Variants in HS3ST4 observed in about 807,000 individuals in gnomAD.
The protein encoded by HS3ST4 is heparan sulfate-glucosamine 3-sulfotransferase 4.
Under a neutral mutation model 29.2 loss-of-function variants are expected in HS3ST4, and 17 were observed. That is an observed-to-expected ratio of 0.58 (90% CI 0.40 to 0.87). The LOEUF (loss-of-function observed/expected upper bound fraction) is 0.87. Among genes scored for constraint, HS3ST4 ranks in the 40% least tolerant of loss-of-function variants. The pLI is 0.00. For missense variants in HS3ST4, 627 were observed against 634.5 expected (o/e 0.99, Z 0.13); for synonymous variants, 314 against 285.7 (o/e 1.10, Z -1.00).
intron 1 of HS3ST4, among the ~76,000 whole-genome samples, chr16:25,928,057 A>G (rs981748733): frequency 1.3e-5 from 2 of 151,168 alleles, no homozygotes; most frequent in Non-Finnish European, 2.9e-5. Flanking sequence ...AAAAAAAAAA[A>G]AGGTAGCCAG....
chr16:25,876,602 A>G (rs950026075), intron 1 of HS3ST4, among the ~76,000 whole-genome samples: 1 of 152,122 alleles, frequency 6.6e-6, no homozygotes, highest in Non-Finnish European at 1.5e-5. Flanking sequence ...TAGTCAAGAA[A>G]ATGGAATATG....
intron 1 of HS3ST4, among the ~76,000 whole-genome samples, chr16:25,760,569 C>T (rs1966783184): frequency 6.6e-6 from 1 of 152,046 alleles, no homozygotes; most frequent in South Asian, 2.1e-4. Context: ...CAGGCACCTG[C>T]CACCACACCT....
At chr16:26,057,401 G>A (rs1898423020) in intron 1 of HS3ST4, among the ~76,000 whole-genome samples, 1 of 152,196 alleles carries the variant, frequency 6.6e-6, no homozygotes, top group South Asian at 2.1e-4. Context: ...AAACTCAGGT[G>A]TGGCCATATG....
chr16:25,974,594 TGA>T (rs144255648), intron 1 of HS3ST4, among the ~76,000 whole-genome samples: 13,297 of 152,166 alleles, frequency 0.087, 768 homozygotes, highest in Non-Finnish European at 0.12. Flanking sequence ...AGAGGGTGCT[TGA>T]GTGCCTTTGA....
intron 1 of HS3ST4, among the ~76,000 whole-genome samples, chr16:25,783,570 A>G (rs898131675): frequency 6.6e-6 from 1 of 151,524 alleles, no homozygotes; most frequent in African/African-American, 2.4e-5. Flanking sequence ...GAAATCTGTT[A>G]TATTGAAGGA....
At chr16:26,131,810 C>G (rs1478609745) in intron 1 of HS3ST4, among the ~76,000 whole-genome samples, 1 of 152,158 alleles carries the variant, frequency 6.6e-6, no homozygotes, top group Non-Finnish European at 1.5e-5. Flanking sequence ...AGCATTAGGA[C>G]TGGCCTACAC....
intron 1 of HS3ST4, among the ~76,000 whole-genome samples, chr16:25,938,915 C>T (rs183608320): frequency 1.2e-4 from 18 of 152,330 alleles, no homozygotes; most frequent in African/African-American, 4.1e-4. Flanking sequence ...CTTATACCCC[C>T]TTTCTCCTGC....
At chr16:26,113,510 A>G (rs1214656821) in intron 1 of HS3ST4, among the ~76,000 whole-genome samples, 24 of 84,918 alleles carry the variant, frequency 2.8e-4, no homozygotes, top group African/African-American at 7.0e-4. Context: ...GTGTGTGTGT[A>G]TGCAAGAGGA....
chr16:25,870,266 T>C (rs2141658934), intron 1 of HS3ST4, among the ~76,000 whole-genome samples: 1 of 152,280 alleles, frequency 6.6e-6, no homozygotes, highest in South Asian at 2.1e-4. Flanking sequence ...TTCTAGGTGC[T>C]GTGGATACAA....
chr16:25,879,719 A>G (rs1192094197), intron 1 of HS3ST4, among the ~76,000 whole-genome samples: 1 of 152,154 alleles, frequency 6.6e-6, no homozygotes, highest in Admixed American at 6.5e-5. Context: ...GAATAAGTCT[A>G]AGGGTGATGT....
chr16:25,864,937 TAC>T (rs570034138), intron 1 of HS3ST4, among the ~76,000 whole-genome samples: 9 of 102,416 alleles, frequency 8.8e-5, no homozygotes, highest in African/African-American at 3.2e-4. Context: ...ATTATATATA[TAC>T]ACACACATAT....
intron 1 of HS3ST4, among the ~76,000 whole-genome samples, chr16:26,134,357 C>CTT (rs1167036022): frequency 0.058 from 6,140 of 105,892 alleles, 95 homozygotes; most frequent in Non-Finnish European, 0.086. Flanking sequence ...CTTTTCTTTT[C>CTT]TTTTCTTTTT....
chr16:25,695,847 C>T (rs1966291947), intron 1 of HS3ST4, among the ~76,000 whole-genome samples: 1 of 152,098 alleles, frequency 6.6e-6, no homozygotes, highest in South Asian at 2.1e-4. Flanking sequence ...AAATGTGCTT[C>T]CAGTAGCCTA....
chr16:25,774,794 C>T (rs751104341), intron 1 of HS3ST4, among the ~76,000 whole-genome samples: 2 of 152,166 alleles, frequency 1.3e-5, no homozygotes, highest in Non-Finnish European at 2.9e-5. Flanking sequence ...TGTAGTTTCA[C>T]CTTCAGAATC....
intron 1 of HS3ST4, chr16:26,032,813 G>T: frequency 6.4e-7 from 1 of 1,564,390 alleles, no homozygotes; most frequent in Non-Finnish European, 8.7e-7. Context: ...CTTGGGCATG[G>T]TGGTGGCGGC....
intron 1 of HS3ST4, among the ~76,000 whole-genome samples, chr16:26,071,323 G>A (rs973647846): frequency 5.9e-5 from 9 of 152,154 alleles, no homozygotes; most frequent in Admixed American, 1.3e-4. Flanking sequence ...TTAGGAGTCC[G>A]TGGGTGCGGG....
chr16:26,075,066 G>C (rs992107344), intron 1 of HS3ST4, among the ~76,000 whole-genome samples: 2 of 152,130 alleles, frequency 1.3e-5, no homozygotes, highest in South Asian at 4.1e-4. Flanking sequence ...GGTGGTACGC[G>C]CCTGTAGTCC....
At chr16:25,748,507 C>T (rs574610966) in intron 1 of HS3ST4, among the ~76,000 whole-genome samples, 37 of 152,320 alleles carry the variant, frequency 2.4e-4, no homozygotes, top group Non-Finnish European at 3.7e-4. Context: ...AAGAATTCCT[C>T]CTTCAATGCA....
At chr16:25,783,426 A>G (rs1966854458) in intron 1 of HS3ST4, among the ~76,000 whole-genome samples, 1 of 150,924 alleles carries the variant, frequency 6.6e-6, no homozygotes, top group South Asian at 2.1e-4. Context: ...ATTGAAAATC[A>G]CTTTTCTCCT....
Sources: gnomAD v4.1 joint callset for allele counts (sites outside exome capture counted in the v4.1 genomes callset) on GRCh38, gnomAD v4.1.1 for gene constraint, MANE v1.5 for transcripts, NCBI Gene and HGNC (gene_info 2026-07-23, HGNC 2026-07-21) for gene names.